Variants in EPS8 observed in about 807,000 individuals in gnomAD.
The protein encoded by EPS8 is EGFR pathway substrate 8, signaling adaptor, also known as epidermal growth factor receptor kinase substrate 8.
In EPS8, 42 loss-of-function variants were observed where a neutral mutation model predicts 103.8. The ratio of observed to expected loss-of-function variants is 0.40; its 90% CI spans 0.32 to 0.52. The LOEUF (loss-of-function observed/expected upper bound fraction) is 0.52, where lower values mean the gene tolerates loss of function less well. Ranked by LOEUF, EPS8 falls within the 20% of genes least tolerant of loss-of-function variation. The pLI, the probability that EPS8 is intolerant of heterozygous loss-of-function variation, is 0.40. For missense variants in EPS8, 969 were observed against 1,005.1 expected (o/e 0.96, Z 0.49); for synonymous variants, 344 against 344.6 (o/e 1.00, Z 0.02).
intron 17 of EPS8, among the ~76,000 whole-genome samples, chr12:15,632,087 T>C (rs1175195079): frequency 6.6e-6 from 1 of 152,226 alleles, no homozygotes; most frequent in African/African-American, 2.4e-5. Context: ...ATGTACGCTA[T>C]ATTCAAAGAT....
rs776991874 is a variant in EPS8 at position 15,713,730 on chromosome 12, T to A, written c.-21-30758A>T. Among the ~76,000 whole-genome samples the A allele has an allele frequency of 1.1e-4, 16 of 152,170 alleles. No homozygotes were observed. The highest frequency in any genetic ancestry group is 1.9e-4 in the Non-Finnish European group (13 of 68,026). ...TTCTTCCAGAAAACCAGGGCTGTCT[T>A]CAAAGGTCTATCCTCATAGTTAAAA... On this transcript the variant is annotated intron_variant, in intron 1 of 20. Transcript: ENST00000281172. This position sits in a 1 kb window ranked among gnomAD's most constrained non-coding sequence, Gnocchi z 4.8.
In EPS8 at chr12:15,660,642, G is replaced by C. The variant is rs1445507866; in HGVS notation, c.909C>G (p.Asn303Lys). 4 of 1,584,084 alleles carry C rather than the reference G, an allele frequency of 2.5e-6. No individual in the cohort carries two copies. The highest frequency in any genetic ancestry group is 3.5e-6 in the Non-Finnish European group (4 of 1,153,496). Residue 303 changes from asparagine to lysine, a missense_variant, in exon 10 of 21, where the codon AAC becomes AAG. Coordinates refer to ENST00000281172, the MANE Select transcript of EPS8 (RefSeq NM_004447.6). Reference protein sequence around the residue: ...AFSELSKRKKNKKGKRKGPGE... With the variant: ...AFSELSKRKKKKKGKRKGPGE... Reference sequence around the variant, plus strand: ...CTGGTCCTTTCCTTTTACCTTTCTTGTTTTTCTTCCTTTTAGAAAGCTCAG... The same window carrying C: ...CTGGTCCTTTCCTTTTACCTTTCTTCTTTTTCTTCCTTTTAGAAAGCTCAG...
chr12:15,640,365 A>G (rs1235772124), intron 17 of EPS8, among the ~76,000 whole-genome samples: 5 of 152,184 alleles, frequency 3.3e-5, no homozygotes, highest in Admixed American at 2.0e-4. Context: ...CTCTATCAAG[A>G]GGAAGCCCCT....
Position 15,781,576 on chromosome 12 carries a change from CTAT to C in EPS8, c.-22+7582_-22+7584del, listed in dbSNP as rs1947261295. The stretch of plus-strand genomic sequence containing the variant: ...TGTAACACCTGCCACACAAAAGGTA[CTAT>C]TATTATGTGAGCTGCTCCACCTGCT... On this transcript the variant is annotated intron_variant, in intron 1 of 20. Transcript: ENST00000281172. The surrounding 1 kb of genome is among the most constrained non-coding windows in gnomAD (Gnocchi z 4.1). 6.6e-6 allele frequency among the ~76,000 whole-genome samples: 1 copy of C among 152,188 alleles called. No individual in the cohort carries two copies. The highest frequency in any genetic ancestry group is 1.5e-5 in the Non-Finnish European group (1 of 68,042).
At chr12:15,683,106 C>T (rs1055785013) in intron 1 of EPS8, 134 bp from the exon 2 acceptor site, 26 of 517,816 alleles carry the variant, frequency 5.0e-5, no homozygotes, top group African/African-American at 4.8e-4. Context: ...GATCTCCACC[C>T]TCAAAGAGCT....
In EPS8 at chr12:15,785,295, C is replaced by T. The variant is rs1040896650; in HGVS notation, c.-22+3866G>A. 3.3e-5 allele frequency among the ~76,000 whole-genome samples: 5 copies of T among 152,062 alleles called. No individual in the cohort carries two copies. The highest frequency in any genetic ancestry group is 1.2e-4 in the African/African-American group (5 of 41,436). On this transcript the variant is annotated intron_variant, in intron 1 of 20. Transcript: ENST00000281172. This position sits in a 1 kb window ranked among gnomAD's most constrained non-coding sequence, Gnocchi z 4.9. Reference sequence around the variant, plus strand: ...GAGACTAAAAGCAAAAGGAATAGTACATAAACACTGTACTCTTGATGCTAA... The same window carrying T: ...GAGACTAAAAGCAAAAGGAATAGTATATAAACACTGTACTCTTGATGCTAA...
In EPS8 at chr12:15,777,806, C is replaced by T. The variant is rs192125101; in HGVS notation, c.-22+11355G>A. ...GGGAAAGGGGGTGATGAAGGAAAGC[C>T]CACATGGTTATTTATCTGCTTCAAG... On this transcript the variant is annotated intron_variant, in intron 1 of 20. Transcript: ENST00000281172. The surrounding 1 kb of genome is among the most constrained non-coding windows in gnomAD (Gnocchi z 4.7). Among the ~76,000 whole-genome samples, 156 of 152,222 alleles carry T rather than the reference C, an allele frequency of 1.0e-3. No individual in the cohort carries two copies. The highest frequency in any genetic ancestry group is 0.01 in the Middle Eastern group (3 of 294).
intron 8 of EPS8, 133 bp downstream of exon 8, chr12:15,665,623 G>T: frequency 9.3e-7 from 1 of 1,069,698 alleles, no homozygotes; most frequent in Non-Finnish European, 1.4e-6. Context: ...GAGCCACTGC[G>T]CCCGGCCAGA....
Position 15,621,124 on chromosome 12 carries a change from A to C in EPS8, c.*193T>G. 3 of 435,942 alleles carry C rather than the reference A, an allele frequency of 6.9e-6. No homozygotes were observed. The South Asian group carries it at 1.8e-4, about 26-fold the overall frequency. 27.0% of individuals were successfully genotyped at this position (435,942 alleles called of 1,614,324 possible). On this transcript the variant is annotated 3_prime_UTR_variant, in exon 21 of 21. Coordinates refer to ENST00000281172, the MANE Select transcript of EPS8 (RefSeq NM_004447.6). ...TTTCCAAGGTCAAAAAATTCAGTTT[A>C]AATTTTTTCAGTTTTAATAAAAATA...
rs997878930 is a variant in EPS8, at chr12:15,767,535, T to G, written c.-22+21626A>C. On this transcript the variant is annotated intron_variant, in intron 1 of 20. Coordinates refer to ENST00000281172, the MANE Select transcript of EPS8 (RefSeq NM_004447.6). This position sits in a 1 kb window ranked among gnomAD's most constrained non-coding sequence, Gnocchi z 5.5. ...GGAAGTTGACAGTATCAGGTCAGTC[T>G]TAGGCCATAAAGAAGTACTTTATTA... Among the ~76,000 whole-genome samples, 3 of 152,238 alleles carry G rather than the reference T, an allele frequency of 2.0e-5. No individual in the cohort carries two copies. Among genetic ancestry groups the G allele is most frequent in the African/African-American group, 7.2e-5 (3 of 41,458 alleles).
In EPS8 at chr12:15,697,271, C is replaced by T. The variant is rs947735668; in HGVS notation, c.-21-14299G>A. Among the ~76,000 whole-genome samples, 2 of 152,232 alleles carry T rather than the reference C, an allele frequency of 1.3e-5. No homozygotes were observed. ...GATTAAATAAACTGGATATCACTTA[C>T]ATGGCATAACTGCTGTCCCCCATTC... is the stretch of plus-strand genomic sequence containing the variant. On this transcript the variant is annotated intron_variant, in intron 1 of 20. Transcript: ENST00000281172. The surrounding 1 kb of genome is among the most constrained non-coding windows in gnomAD (Gnocchi z 5.6).
intron 4 of EPS8, among the ~76,000 whole-genome samples, chr12:15,670,655 T>G (rs1430602706): frequency 6.6e-6 from 1 of 152,158 alleles, no homozygotes; most frequent in Non-Finnish European, 1.5e-5. Flanking sequence ...GTTATGATTT[T>G]AAATCATTCT....
In EPS8 at chr12:15,721,231, T is replaced by C. The variant is rs1055031903; in HGVS notation, c.-21-38259A>G. On this transcript the variant is annotated intron_variant, in intron 1 of 20. Transcript: ENST00000281172. The surrounding 1 kb of genome is among the most constrained non-coding windows in gnomAD (Gnocchi z 4.4). ...AACAGAGTAACTCAAACTTTTCCCA[T>C]TCACAATCTGTAGGAAACCCACCCA... 6.6e-6 allele frequency among the ~76,000 whole-genome samples: 1 copy of C among 152,152 alleles called. No individual in the cohort carries two copies. The highest frequency in any genetic ancestry group is 1.5e-5 in the Non-Finnish European group (1 of 68,032).
chr12:15,740,790 G>T (rs952384097), intron 1 of EPS8, among the ~76,000 whole-genome samples: 2 of 152,114 alleles, frequency 1.3e-5, no homozygotes, highest in African/African-American at 2.4e-5. Context: ...TCAGTCTCCA[G>T]TATGTAAAAT....
Position 15,738,930 on chromosome 12 carries a change from G to T in EPS8, c.-22+50231C>A, listed in dbSNP as rs1335659045. On this transcript the variant is annotated intron_variant, in intron 1 of 20. Transcript: ENST00000281172. The surrounding 1 kb of genome is among the most constrained non-coding windows in gnomAD (Gnocchi z 6.2). ...CAAACCTGAGACACGACTCTCAAGA[G>T]ACTTTCATTTGGTCTTATTCTGACC... Among the ~76,000 whole-genome samples, 3 of 152,186 alleles carry T rather than the reference G, an allele frequency of 2.0e-5. No individual in the cohort carries two copies. The East Asian group carries it at 5.8e-4, about 29-fold the overall frequency.
At position 15,621,414 on chromosome 12, in the gene EPS8, G is replaced by C; in HGVS notation, c.2372C>G (p.Ser791Cys). The C allele has an allele frequency of 6.3e-7, 1 of 1,597,492 alleles. No homozygotes were observed. Among genetic ancestry groups the C allele is most frequent in the Non-Finnish European group, 8.5e-7 (1 of 1,170,242 alleles). Reference sequence around the variant, plus strand: ...TCTTCTCATAATTTCTTGTAACTCGGAGCTGCCACTGCTATCCTGAAAGAT... The same window carrying C: ...TCTTCTCATAATTTCTTGTAACTCGCAGCTGCCACTGCTATCCTGAAAGAT... ...KAALEDSSGS[S>C]ELQEIMRRRQ... Residue 791 changes from serine to cysteine, a missense_variant, in exon 21 of 21, where the codon TCC becomes TGC. Ser to Cys is a moderately radical substitution (Grantham distance 112). Coordinates refer to ENST00000281172, the MANE Select transcript of EPS8 (RefSeq NM_004447.6).
chr12:15,653,799 G>A (rs1013620882), intron 13 of EPS8, among the ~76,000 whole-genome samples: 14 of 151,840 alleles, frequency 9.2e-5, no homozygotes, highest in East Asian at 1.9e-4. Flanking sequence ...AGCACTGTGC[G>A]CGCGCGCGCG....
In EPS8 at chr12:15,669,472, C is replaced by A; in HGVS notation, c.431G>T (p.Ser144Ile). The A allele has an allele frequency of 6.2e-7, 1 of 1,613,964 alleles. No homozygotes were observed. Among genetic ancestry groups the A allele is most frequent in the Non-Finnish European group, 8.5e-7 (1 of 1,179,898 alleles). Residue 144 changes from serine to isoleucine, a missense_variant, in exon 6 of 21, where the codon AGC (serine) becomes ATC (isoleucine). Coordinates refer to ENST00000281172, the MANE Select transcript of EPS8 (RefSeq NM_004447.6). ...QHCQAVMHSC[S>I]YDSVLALVCK... ...CACCAGTGCAAGAACTGAATCATAG[C>A]TGCATGAATGCATCACAGCTTGGCA...
At chr12:15,708,747 C>G (rs1266613403) in intron 1 of EPS8, among the ~76,000 whole-genome samples, 1 of 152,190 alleles carries the variant, frequency 6.6e-6, no homozygotes, top group Admixed American at 6.5e-5. Flanking sequence ...ACAATCATTA[C>G]AGCAGAATTG....
Sources: gnomAD v4.1 joint callset for allele counts (sites outside exome capture counted in the v4.1 genomes callset) on GRCh38, gnomAD v4.1.1 for gene constraint, Gnocchi (gnomAD v3.1) non-coding constraint, MANE v1.5 for transcripts, NCBI Gene and HGNC (gene_info 2026-07-23, HGNC 2026-07-21) for gene names.